Variants in INTU observed in about 807,000 individuals in gnomAD.
INTU encodes the protein protein inturned.
Under a neutral mutation model 100.5 loss-of-function variants are expected in INTU, and 68 were observed. The ratio of observed to expected loss-of-function variants is 0.68; its 90% CI spans 0.56 to 0.83. The LOEUF (loss-of-function observed/expected upper bound fraction) is 0.83. INTU is among the 40% of genes least tolerant of loss of function. INTU has a pLI of 0.00. For missense variants in INTU, 1,071 were observed against 1,114.7 expected, an observed-to-expected ratio of 0.96 and a Z score of 0.56; for synonymous variants, 357 against 395.7, an observed-to-expected ratio of 0.90 and a Z score of 1.16.
chr4:127,700,040 G>T lies in INTU; in HGVS notation c.1480G>T (p.Glu494Ter), dbSNP rs200609514. Reference sequence around the variant, plus strand: ...ATTAGACATGGCATTAAGTGACTTGGAGGCTGCAGATTTTGCAGAACTGGT... The same window carrying T: ...ATTAGACATGGCATTAAGTGACTTGTAGGCTGCAGATTTTGCAGAACTGGT... ...MELDMALSDLEAADFAELSED... is the reference protein window; with the variant it reads ...MELDMALSDL Residue 494 changes from glutamate (E) to a stop codon, truncating the protein, a stop_gained, in exon 9 of 16, where the codon GAG becomes TAG. Coordinates refer to ENST00000335251, the MANE Select transcript of INTU (RefSeq NM_015693.4). LOFTEE classifies it high-confidence loss of function. The T allele has an allele frequency of 1.2e-6, 2 of 1,605,756 alleles. No individual in the cohort carries two copies. The highest frequency in any genetic ancestry group is 1.7e-6 in the Non-Finnish European group (2 of 1,176,278).
At chr4:127,698,972 G>A (rs545480368) in intron 8 of INTU, among the ~76,000 whole-genome samples, 4 of 152,292 alleles carry the variant, frequency 2.6e-5, no homozygotes, top group Admixed American at 2.6e-4. Context: ...CATACTGTGT[G>A]AAAAGCATTG....
chr4:127,674,770 C>G (rs1729097704), intron 6 of INTU, among the ~76,000 whole-genome samples: 2 of 152,196 alleles, frequency 1.3e-5, no homozygotes, highest in East Asian at 1.9e-4. Flanking sequence ...ATAAACTGAC[C>G]TTGTGCTCCA....
At chr4:127,637,481 A>G (rs540309727) in intron 1 of INTU, among the ~76,000 whole-genome samples, 1 of 152,198 alleles carries the variant, frequency 6.6e-6, no homozygotes, top group Non-Finnish European at 1.5e-5. Context: ...CTACACCTTT[A>G]TGTACTTTGT....
Position 127,660,101 on chromosome 4 carries a change from AGG to A in INTU, c.769-3279_769-3278del, listed in dbSNP as rs1416914996. On this transcript the variant is annotated intron_variant, in intron 3 of 15. Transcript: ENST00000335251. ...ATGGGGGAGGCATATGCAAGACAGG[AGG>A]TCAGGAAACCAGGTGGTTGGGTTTG... is the stretch of plus-strand genomic sequence containing the variant. Among the ~76,000 whole-genome samples, 3 of 152,284 alleles carry A rather than the reference AGG, an allele frequency of 2.0e-5. No homozygotes were observed. The East Asian group carries it at 5.8e-4, about 29-fold the overall frequency.
intron 12 of INTU, 73 bp from the exon 13 acceptor site, chr4:127,708,498 T>A: frequency 2.6e-6 from 2 of 778,916 alleles, no homozygotes; most frequent in Non-Finnish European, 4.2e-6. Context: ...GAAGGATGTT[T>A]AATTTTTAAA....
intron 2 of INTU, among the ~76,000 whole-genome samples, chr4:127,654,770 G>A (rs2126190564): frequency 6.8e-6 from 1 of 146,866 alleles, no homozygotes; most frequent in African/African-American, 2.6e-5. Context: ...ACGTTGGCCT[G>A]CCTTGCTAGA....
At chr4:127,633,233 T>A in intron 1 of INTU, 53 bp downstream of exon 1, 2 of 1,573,942 alleles carry the variant, frequency 1.3e-6, no homozygotes, top group Non-Finnish European at 1.7e-6. Flanking sequence ...CCAGAGAATA[T>A]ACACGTGGGC....
chr4:127,694,900 T>G (rs1730314061), intron 8 of INTU, among the ~76,000 whole-genome samples: 1 of 152,212 alleles, frequency 6.6e-6, no homozygotes, highest in South Asian at 2.1e-4. Context: ...ATGTCTTGAT[T>G]ACTGTAGGTT....
chr4:127,681,625 C>T (rs1183911211), intron 6 of INTU, among the ~76,000 whole-genome samples: 90 of 152,060 alleles, frequency 5.9e-4, no homozygotes, highest in Non-Finnish European at 9.1e-4. Flanking sequence ...AAGACTTAAA[C>T]GGTAGACCTA....
At chr4:127,647,978 T>G (rs1373548989) in intron 2 of INTU, among the ~76,000 whole-genome samples, 1 of 152,202 alleles carries the variant, frequency 6.6e-6, no homozygotes, top group Non-Finnish European at 1.5e-5. Flanking sequence ...AAGTATATAC[T>G]GAGAAATTGA....
At chr4:127,642,972 T>C (rs1727399102) in intron 1 of INTU, among the ~76,000 whole-genome samples, 1 of 152,178 alleles carries the variant, frequency 6.6e-6, no homozygotes. Context: ...TTTTAGTTCA[T>C]GGTGAAGTGA....
At chr4:127,678,185 T>A (rs1044772947) in intron 6 of INTU, among the ~76,000 whole-genome samples, 1 of 152,138 alleles carries the variant, frequency 6.6e-6, no homozygotes, top group African/African-American at 2.4e-5. Flanking sequence ...CTGCAGAATA[T>A]TATCCAGGAG....
rs935741501 is a variant in INTU, at chr4:127,656,804, C to T, written c.768+83C>T. On this transcript the variant is annotated intron_variant, in intron 3 of 15. Coordinates refer to ENST00000335251, the MANE Select transcript of INTU (RefSeq NM_015693.4). ...ATCGTGCACTATTTTCCTTTTTAAG[C>T]GTCTGAAAAGTATCATGTATAATGG... The T allele has an allele frequency of 1.2e-5, 10 of 830,550 alleles. No individual in the cohort carries two copies. In the East Asian group the frequency reaches 1.6e-4, roughly 14 times the overall value. The allele number at this position is 830,550 out of a possible 1,614,324, so 51.4% of individuals were successfully genotyped here. A position where few individuals can be genotyped will look rare whatever the true frequency, so the allele number is the denominator to read the frequency against.
At chr4:127,709,602 G>T (rs952539632) in intron 13 of INTU, among the ~76,000 whole-genome samples, 6 of 152,086 alleles carry the variant, frequency 3.9e-5, no homozygotes, top group African/African-American at 1.4e-4. Flanking sequence ...ACGCAGGTCT[G>T]CCTGTGCCTT....
intron 4 of INTU, among the ~76,000 whole-genome samples, chr4:127,668,525 T>C (rs550124124): frequency 8.6e-5 from 13 of 151,814 alleles, no homozygotes; most frequent in Non-Finnish European, 1.8e-4. Flanking sequence ...CTTTGTAAGT[T>C]TAATTGCTGT....
chr4:127,656,201 G>A (rs1257817823), intron 2 of INTU, among the ~76,000 whole-genome samples: 1 of 152,142 alleles, frequency 6.6e-6, no homozygotes. Flanking sequence ...CTCACACTGG[G>A]AGCTGTAGAC....
intron 10 of INTU, among the ~76,000 whole-genome samples, chr4:127,704,694 A>G (rs1473111596): frequency 2.6e-5 from 4 of 152,238 alleles, no homozygotes; most frequent in African/African-American, 4.8e-5. Context: ...AGTATTTACA[A>G]ATGTGCACAG....
rs1263188576 is a variant in INTU, at chr4:127,722,380, G to A, written c.*5944G>A. ...GCCTGATGCTAGCCGGAATGCTCCT[G>A]TATGAAGTGTCTGGAGACTCCTGTT... On this transcript the variant is annotated 3_prime_UTR_variant, in exon 16 of 16. Coordinates refer to ENST00000335251, the MANE Select transcript of INTU (RefSeq NM_015693.4). 1 of 152,280 alleles carries A rather than the reference G, an allele frequency of 6.6e-6. No homozygotes were observed. The highest frequency in any genetic ancestry group is 2.4e-5 in the African/African-American group (1 of 41,454). 9.4% of individuals were successfully genotyped at this position (152,280 alleles called of 1,614,324 possible).
chr4:127,638,292 A>G (rs1727162330), intron 1 of INTU, among the ~76,000 whole-genome samples: 2 of 152,204 alleles, frequency 1.3e-5, no homozygotes. Context: ...TGTGTTGACC[A>G]CTTCGGTAAA....
Sources: allele counts gnomAD v4.1 joint callset (sites outside exome capture counted in the v4.1 genomes callset), GRCh38; gene constraint gnomAD v4.1.1; transcripts MANE v1.5; gene names NCBI Gene and HGNC (gene_info 2026-07-23, HGNC 2026-07-21).